MDGA2: variants seen among roughly 807,000 people sequenced by gnomAD.
The protein encoded by MDGA2 is MAM domain-containing glycosylphosphatidylinositol anchor protein 2.
A neutral mutation model predicts 117.8 loss-of-function variants in MDGA2; 40 were observed. That is an observed-to-expected ratio of 0.34 (90% confidence interval 0.26 to 0.44). The LOEUF (loss-of-function observed/expected upper bound fraction) is 0.44. Ranked by LOEUF, MDGA2 falls within the 20% of genes least tolerant of loss-of-function variation. The pLI, the probability that MDGA2 is intolerant of heterozygous loss-of-function variation, is 1.00. For missense variants in MDGA2, 1,123 were observed against 1,250.6 expected, an observed-to-expected ratio of 0.90 and a Z score of 1.54; for synonymous variants, 452 against 439.0, an observed-to-expected ratio of 1.03 and a Z score of -0.37.
intron 14 of MDGA2, among the ~76,000 whole-genome samples, chr14:46,872,596 ATAT>A (rs1291857308): frequency 6.6e-6 from 1 of 151,984 alleles, no homozygotes; most frequent in African/African-American, 2.4e-5. Context: ...GAGTAGAATC[ATAT>A]TATTAAAAAC....
chr14:47,276,825 G>A (rs974874745), intron 2 of MDGA2, among the ~76,000 whole-genome samples: 16 of 151,942 alleles, frequency 1.1e-4, no homozygotes, highest in African/African-American at 3.4e-4. Context: ...CTTTCATCAC[G>A]CTCCTCAATA....
intron 9 of MDGA2, among the ~76,000 whole-genome samples, chr14:46,952,610 CT>C (rs1202156237): frequency 6.6e-6 from 1 of 151,956 alleles, no homozygotes; most frequent in Non-Finnish European, 1.5e-5. Flanking sequence ...TTATCACAGC[CT>C]GCACCTTTCT....
At chr14:47,491,867 AT>A (rs1894176995) in intron 1 of MDGA2, among the ~76,000 whole-genome samples, 1 of 152,134 alleles carries the variant, frequency 6.6e-6, no homozygotes, top group African/African-American at 2.4e-5. Flanking sequence ...CCTAAAAAAA[AT>A]TCTAACATAA....
chr14:47,612,197 T>TAGATAGAC (rs1399973511), intron 1 of MDGA2, among the ~76,000 whole-genome samples: 84 of 146,198 alleles, frequency 5.7e-4, no homozygotes, highest in African/African-American at 1.8e-3. Flanking sequence ...ATGTGATAGA[T>TAGATAGAC]AGATAGATAG....
At chr14:47,219,411 A>G (rs1886216765) in intron 2 of MDGA2, among the ~76,000 whole-genome samples, 1 of 152,054 alleles carries the variant, frequency 6.6e-6, no homozygotes, top group Non-Finnish European at 1.5e-5. Context: ...AAATATCAAT[A>G]TTTATTCCAA....
intron 1 of MDGA2, among the ~76,000 whole-genome samples, chr14:47,404,529 C>T (rs930611668): frequency 1.3e-5 from 2 of 151,902 alleles, no homozygotes; most frequent in African/African-American, 4.8e-5. Flanking sequence ...GGGTCTCACT[C>T]TGTTGCCCAT....
At position 46,882,085 on chromosome 14, in the gene MDGA2, A is replaced by C; in HGVS notation, c.2375T>G (p.Phe792Cys). ...YEVRLTPLTK[F>C]GEGDSTIRVI... is the part of the protein sequence containing the mutation. The stretch of plus-strand genomic sequence containing the variant: ...ACGAATTGTTGAATCTCCTTCACCA[A>C]ATTTGGTGAGAGGAGTCAGTCGGAC... Residue 792 changes from phenylalanine (F) to cysteine (C), a missense_variant, in exon 11 of 17, where the codon TTT (phenylalanine) becomes TGT (cysteine). This residue lies in a region of MDGA2 where 890 missense variants were observed against 1,050.3 expected (regional missense o/e 0.85). Transcript: ENST00000399232. 6.2e-7 allele frequency: 1 copy of C among 1,610,966 alleles called. No individual in the cohort carries two copies. Among genetic ancestry groups the C allele is most frequent in the Non-Finnish European group, 8.5e-7 (1 of 1,178,124 alleles).
chr14:47,424,149 G>A (rs531433491), intron 1 of MDGA2, among the ~76,000 whole-genome samples: 3 of 152,186 alleles, frequency 2.0e-5, no homozygotes, highest in Non-Finnish European at 4.4e-5. Context: ...AGCTGGGCAC[G>A]GTAGCTCACA....
At chr14:47,194,191 T>A (rs1266910841) in intron 3 of MDGA2, among the ~76,000 whole-genome samples, 1 of 152,188 alleles carries the variant, frequency 6.6e-6, no homozygotes, top group African/African-American at 2.4e-5. Flanking sequence ...TCTTAAATAC[T>A]TTGAGAGACA....
chr14:47,374,790 T>C (rs1015762500), intron 1 of MDGA2, among the ~76,000 whole-genome samples: 1 of 152,112 alleles, frequency 6.6e-6, no homozygotes, highest in Non-Finnish European at 1.5e-5. Context: ...TGTTCCAATC[T>C]AGTATTTGTA....
chr14:47,281,003 TG>T (rs1888470010), intron 2 of MDGA2, among the ~76,000 whole-genome samples: 1 of 147,542 alleles, frequency 6.8e-6, no homozygotes, highest in South Asian at 2.1e-4. Flanking sequence ...ATATTATATA[TG>T]GTATATAATA....
At chr14:47,604,690 GC>G (rs1248209470) in intron 1 of MDGA2, among the ~76,000 whole-genome samples, 1 of 152,072 alleles carries the variant, frequency 6.6e-6, no homozygotes, top group Non-Finnish European at 1.5e-5. Flanking sequence ...ATTCTTTGCA[GC>G]CCCTTTTGTC....
intron 10 of MDGA2, among the ~76,000 whole-genome samples, chr14:46,892,937 A>C (rs1469882693): frequency 6.6e-6 from 1 of 151,966 alleles, no homozygotes; most frequent in Non-Finnish European, 1.5e-5. Flanking sequence ...ATTGTGAAAA[A>C]CAGTATGAAG....
chr14:47,040,998 T>G (rs1889045296), intron 7 of MDGA2, among the ~76,000 whole-genome samples: 1 of 151,758 alleles, frequency 6.6e-6, no homozygotes, highest in East Asian at 1.9e-4. Flanking sequence ...GCTATCAAAA[T>G]AATAGATAAT....
chr14:47,561,184 T>TTTTC (rs1895808269), intron 1 of MDGA2, among the ~76,000 whole-genome samples: 1 of 143,720 alleles, frequency 7.0e-6, no homozygotes, highest in African/African-American at 2.5e-5. Flanking sequence ...TGTTTGTTTT[T>TTTTC]TTTTGCTTAG....
At chr14:47,166,998 C>G (rs996293486) in intron 3 of MDGA2, among the ~76,000 whole-genome samples, 2 of 152,280 alleles carry the variant, frequency 1.3e-5, no homozygotes, top group Non-Finnish European at 2.9e-5. Context: ...GTTGCCATCT[C>G]TGGTCTGGGC....
intron 5 of MDGA2, among the ~76,000 whole-genome samples, chr14:47,098,833 C>T (rs1265631301): frequency 2.0e-5 from 3 of 151,900 alleles, no homozygotes; most frequent in Non-Finnish European, 2.9e-5. Context: ...TGGACATACC[C>T]AATGGTGACA....
At chr14:47,171,667 C>A (rs952895410) in intron 3 of MDGA2, among the ~76,000 whole-genome samples, 1 of 152,100 alleles carries the variant, frequency 6.6e-6, no homozygotes, top group Non-Finnish European at 1.5e-5. Context: ...AGAGGGCAGC[C>A]AAGATGGCCG....
intron 9 of MDGA2, among the ~76,000 whole-genome samples, chr14:46,952,974 A>C (rs1004250044): frequency 1.3e-5 from 2 of 151,942 alleles, no homozygotes; most frequent in Non-Finnish European, 2.9e-5. Flanking sequence ...TAGGAAAATA[A>C]AGCCCAACAA....
Sources: gnomAD v4.1 joint callset for allele counts (sites outside exome capture counted in the v4.1 genomes callset) on GRCh38, gnomAD v4.1.1 for gene constraint, gnomAD v4.1.1 regional missense constraint, MANE v1.5 for transcripts, NCBI Gene and HGNC (gene_info 2026-07-23, HGNC 2026-07-21) for gene names.